The following PWP1 variants were observed in gnomAD, a reference collection of about 807,000 sequenced individuals.
PWP1 encodes the protein periodic tryptophan protein 1 homolog.
PWP1 carries 47 observed loss-of-function variants against 69.9 expected under a neutral mutation model. That is an observed-to-expected ratio of 0.67 (90% CI 0.53 to 0.86). PWP1 has a LOEUF of 0.86. Among genes scored for constraint, PWP1 ranks in the 40% least tolerant of loss-of-function variants. PWP1 has a pLI of 0.00. For synonymous variants in PWP1, 222 were observed against 208.2 expected, an observed-to-expected ratio of 1.07 and a Z score of -0.57; for missense variants, 551 against 608.8, an observed-to-expected ratio of 0.91 and a Z score of 1.00.
rs1889773684 is a variant in PWP1 at position 107,704,501 on chromosome 12, A to G, written c.966-135A>G. 2.3e-5 allele frequency: 14 copies of G among 607,388 alleles called. 1 individual carries two copies. The highest frequency in any genetic ancestry group is 1.5e-4 in the South Asian group (6 of 38,808). 37.6% of individuals were successfully genotyped at this position (607,388 alleles called of 1,614,324 possible). A position where few individuals can be genotyped will look rare whatever the true frequency, so the allele number is the denominator to read the frequency against. ...CTGAAACTCAGCTCATTTTTTTTCT[A>G]CTTTATTTAGAACCTTAAAACAGGC... On this transcript the variant is annotated intron_variant, in intron 10 of 14. Coordinates refer to ENST00000412830, the MANE Select transcript of PWP1 (RefSeq NM_007062.3).
chr12:107,709,250 T>C lies in PWP1; in HGVS notation c.1290+18T>C, dbSNP rs551572590. The stretch of plus-strand genomic sequence containing the variant: ...TGAAAATGGTAAGAATCTCCCTGGG[T>C]ATCTGTTTTTTATTTATTCTGTTTC... On this transcript the variant is annotated intron_variant, in intron 13 of 14. Coordinates refer to ENST00000412830, the MANE Select transcript of PWP1 (RefSeq NM_007062.3). The C allele has an allele frequency of 1.1e-5, 18 of 1,609,302 alleles. No individual in the cohort carries two copies. In the South Asian group the frequency reaches 1.3e-4, roughly 12 times the overall value.
intron 14 of PWP1, 42 bp downstream of exon 14, chr12:107,710,552 T>A (rs376241508): frequency 7.2e-5 from 83 of 1,158,088 alleles, no homozygotes; most frequent in South Asian, 2.9e-4. Context: ...CCTGCCCCTG[T>A]AAAAAAAAAA....
In PWP1 at chr12:107,712,544, A is replaced by G. The variant is rs1423941875; in HGVS notation, c.*324A>G. ...GTAATTTATAGAATTTTTAAAGCGT[A>G]AAATCCGGTAATATTAAAAGATAGG... On this transcript the variant is annotated 3_prime_UTR_variant, in exon 15 of 15. Transcript: ENST00000412830. 5.6e-6 allele frequency: 1 copy of G among 178,980 alleles called. No homozygotes were observed. Among genetic ancestry groups the G allele is most frequent in the African/African-American group, 2.4e-5 (1 of 42,224 alleles). The allele number at this position is 178,980 out of a possible 1,614,324, so 11.1% of individuals were successfully genotyped here.
At chr12:107,690,916 C>G (rs538909690) in intron 3 of PWP1, among the ~76,000 whole-genome samples, 5 of 152,082 alleles carry the variant, frequency 3.3e-5, no homozygotes, top group African/African-American at 1.2e-4. Context: ...TCTGGAAGAG[C>G]AGTGTAGTTG....
At chr12:107,700,976 C>T (rs569813630) in intron 8 of PWP1, among the ~76,000 whole-genome samples, 9 of 152,292 alleles carry the variant, frequency 5.9e-5, no homozygotes, top group Non-Finnish European at 1.0e-4. Flanking sequence ...GCAATCCCCC[C>T]GCCTCAGCTT....
chr12:107,708,921 T>A lies in PWP1; in HGVS notation c.1078-5T>A. 6.2e-7 allele frequency: 1 copy of A among 1,612,598 alleles called. No homozygotes were observed. The highest frequency in any genetic ancestry group is 8.5e-7 in the Non-Finnish European group (1 of 1,179,568). On this transcript the variant is annotated splice_region_variant and splice_polypyrimidine_tract_variant and intron_variant, in intron 11 of 14. Transcript: ENST00000412830. Reference sequence around the variant, plus strand: ...ATGACCTTGCCCATCTTTTACTCTTTCTAGGCCAGTACAGATGACGGCTTT... The same window carrying A: ...ATGACCTTGCCCATCTTTTACTCTTACTAGGCCAGTACAGATGACGGCTTT...
Position 107,702,970 on chromosome 12 carries a change from T to A in PWP1, c.842T>A (p.Val281Glu). ...VLASASADNT[V>E]ILWDMSLGKP... Reference sequence around the variant, plus strand: ...GCAAGTGCATCAGCTGACAACACTGTAATTCTGTGGGATATGTCCTTGGGG... The same window carrying A: ...GCAAGTGCATCAGCTGACAACACTGAAATTCTGTGGGATATGTCCTTGGGG... Residue 281 changes from valine to glutamate, a missense_variant, in exon 9 of 15, where the codon GTA (valine) becomes GAA (glutamate). Physicochemically the swap from Val to Glu is moderately radical, Grantham distance 121 (BLOSUM62 -2). Transcript: ENST00000412830. 1 of 1,612,000 alleles carries A rather than the reference T, an allele frequency of 6.2e-7. No homozygotes were observed. The highest frequency in any genetic ancestry group is 8.5e-7 in the Non-Finnish European group (1 of 1,178,060).
rs2136283622 is a variant in PWP1 at position 107,704,653 on chromosome 12, A to G, written c.983A>G (p.Asp328Gly). 6.2e-7 allele frequency: 1 copy of G among 1,613,940 alleles called. No individual in the cohort carries two copies. Among genetic ancestry groups the G allele is most frequent in the Non-Finnish European group, 8.5e-7 (1 of 1,179,880 alleles). The change falls in exon 11 of 15, where the codon GAC becomes GGC. Residue 328 changes from aspartate to glycine, a missense_variant. By Grantham distance (94) the Asp-to-Gly change is moderately conservative. Coordinates refer to ENST00000412830, the MANE Select transcript of PWP1 (RefSeq NM_007062.3). The stretch of plus-strand genomic sequence containing the variant: ...GTGTCTAGGTCAGTGGCTTTGTATG[A>G]CTGCCGAAGTCCAGATGAAAGCCAT... ...GSYDKSVALY[D>G]CRSPDESHRM...
rs1401833586 is a variant in PWP1 at position 107,685,922 on chromosome 12, C to T, written c.23C>T (p.Thr8Met). ...ACCATGAACCGCAGCCGCCAGGTGA[C>T]GTGCGTGGCCTGGGTCCGCTGCGGC... MNRSRQV[T>M]CVAWVRCGVA... The change falls in exon 1 of 15, where the codon ACG (threonine) becomes ATG (methionine). Residue 8 changes from threonine to methionine, a missense_variant. Transcript: ENST00000412830. The T allele has an allele frequency of 1.2e-6, 2 of 1,613,820 alleles. No individual in the cohort carries two copies. Among genetic ancestry groups the T allele is most frequent in the African/African-American group, 2.7e-5 (2 of 74,930 alleles).
rs1255586478 is a variant in PWP1, at chr12:107,688,947, AT to A, written c.319+147del. Reference sequence around the variant, plus strand: ...GTTGAAGACTTGGGCAGACAGCATGATTCCTAAACTAGTTTAGAAGATAAAC... The same window carrying A: ...GTTGAAGACTTGGGCAGACAGCATGATCCTAAACTAGTTTAGAAGATAAAC... On this transcript the variant is annotated intron_variant, in intron 3 of 14. Transcript: ENST00000412830. 8.6e-6 allele frequency: 7 copies of A among 809,564 alleles called. No homozygotes were observed. In the East Asian group the frequency reaches 1.9e-4, roughly 22 times the overall value. The allele number at this position is 809,564 out of a possible 1,614,324, so 50.1% of individuals were successfully genotyped here.
rs188251248 is a variant in PWP1, at chr12:107,686,205, C to A, written c.72+234C>A. The A allele has an allele frequency of 2.3e-3, 1,358 of 583,000 alleles. 16 individuals carry two copies. The highest frequency in any genetic ancestry group is 0.022 in the African/African-American group (1,185 of 53,694). 36.1% of individuals were successfully genotyped at this position (583,000 alleles called of 1,614,324 possible). A position where few individuals can be genotyped will look rare whatever the true frequency, so the allele number is the denominator to read the frequency against. On this transcript the variant is annotated intron_variant, in intron 1 of 14. Transcript: ENST00000412830. ...TCACTGTTCCCACCCTCAAGCCCAA[C>A]CCCACTCCCAAATTCGCACGCACAT...
At chr12:107,689,730 A>C (rs1041331914) in intron 3 of PWP1, among the ~76,000 whole-genome samples, 1 of 152,206 alleles carries the variant, frequency 6.6e-6, no homozygotes, top group Admixed American at 6.5e-5. Flanking sequence ...TGGGTGACAC[A>C]GTGGGACTCC....
chr12:107,699,541 C>T lies in PWP1; in HGVS notation c.806+107C>T, dbSNP rs929385820. 3.3e-6 allele frequency: 3 copies of T among 903,790 alleles called. No individual in the cohort carries two copies. In the African/African-American group the frequency reaches 5.1e-5, roughly 15 times the overall value. 56.0% of individuals were successfully genotyped at this position (903,790 alleles called of 1,614,324 possible). A position where few individuals can be genotyped will look rare whatever the true frequency, so the allele number is the denominator to read the frequency against. ...TTGTGCTGTGGACCTTTGTGTCTAT[C>T]TTCCTTTCTTGTAGGATGCCCTGCT... On this transcript the variant is annotated intron_variant, in intron 8 of 14. Coordinates refer to ENST00000412830, the MANE Select transcript of PWP1 (RefSeq NM_007062.3).
intron 3 of PWP1, among the ~76,000 whole-genome samples, chr12:107,690,830 T>G (rs1889466974): frequency 1.3e-5 from 2 of 152,146 alleles, no homozygotes; most frequent in South Asian, 4.1e-4. Flanking sequence ...CTTGTGTTCA[T>G]TTTTCAAAAT....
chr12:107,686,969 CAAAA>C (rs61728433), intron 1 of PWP1, among the ~76,000 whole-genome samples: 34 of 106,756 alleles, frequency 3.2e-4, no homozygotes, highest in African/African-American at 5.5e-4. Flanking sequence ...GACTCCGTCT[CAAAA>C]AAAAAAAAAA....
intron 3 of PWP1, among the ~76,000 whole-genome samples, chr12:107,692,180 C>G (rs1489089993): frequency 6.6e-6 from 1 of 152,186 alleles, no homozygotes; most frequent in African/African-American, 2.4e-5. Flanking sequence ...ATCAGTCCTG[C>G]CTCCTTAAAG....
intron 5 of PWP1, among the ~76,000 whole-genome samples, chr12:107,695,056 C>T (rs1368994034): frequency 6.6e-6 from 1 of 150,970 alleles, no homozygotes; most frequent in Non-Finnish European, 1.5e-5. Context: ...GAGATCGAGA[C>T]CATCCTGGCT....
intron 14 of PWP1, among the ~76,000 whole-genome samples, chr12:107,711,137 G>T (rs1889944393): frequency 6.6e-6 from 1 of 152,198 alleles, no homozygotes; most frequent in African/African-American, 2.4e-5. Flanking sequence ...TATCCCTTAT[G>T]GGAAACGAGG....
chr12:107,712,120 C>G lies in PWP1; in HGVS notation c.1406C>G (p.Ala469Gly), dbSNP rs1185810268. Residue 469 changes from alanine (A) to glycine (G), a missense_variant, in exon 15 of 15, where the codon GCA becomes GGA. Ala to Gly is a moderately conservative substitution (Grantham distance 60). Coordinates refer to ENST00000412830, the MANE Select transcript of PWP1 (RefSeq NM_007062.3). ...TTTATTTGTATTTTAGTAAATGAAG[C>G]ATTTGGAAGACGAGAGAGGCTTGTT... ...DISTVSSVNE[A>G]FGRRERLVLG... 1 of 1,613,180 alleles carries G rather than the reference C, an allele frequency of 6.2e-7. No homozygotes were observed. Among genetic ancestry groups the G allele is most frequent in the Non-Finnish European group, 8.5e-7 (1 of 1,179,402 alleles).
Sources: gnomAD v4.1 joint callset for allele counts (sites outside exome capture counted in the v4.1 genomes callset) on GRCh38, gnomAD v4.1.1 for gene constraint, MANE v1.5 for transcripts, NCBI Gene and HGNC (gene_info 2026-07-23, HGNC 2026-07-21) for gene names.